PRKN: variants seen among roughly 807,000 people sequenced by gnomAD.
PRKN encodes the protein parkin RBR E3 ubiquitin protein ligase, also known as E3 ubiquitin-protein ligase parkin.
Under a neutral mutation model 59.5 loss-of-function variants are expected in PRKN, and 56 were observed. That is an observed-to-expected ratio of 0.94 (90% CI 0.76 to 1.18). PRKN has a LOEUF of 1.18. PRKN is among the 50% of genes most tolerant of loss of function. The probability of loss-of-function intolerance (pLI) is 0.00; values close to 1 mark genes in which losing one functional copy is unlikely to be tolerated. For missense variants in PRKN, 657 were observed against 596.4 expected, an observed-to-expected ratio of 1.10 and a Z score of -1.06; for synonymous variants, 250 against 222.1, an observed-to-expected ratio of 1.13 and a Z score of -1.12.
chr6:162,059,480 C>T (rs1192785756), intron 4 of PRKN, among the ~76,000 whole-genome samples: 13 of 152,136 alleles, frequency 8.5e-5, no homozygotes, highest in Admixed American at 5.2e-4. Flanking sequence ...ACTTTAATTG[C>T]CTAATCATTG....
intron 2 of PRKN, among the ~76,000 whole-genome samples, chr6:162,290,214 C>T (rs187555060): frequency 1.1e-4 from 16 of 152,234 alleles, no homozygotes; most frequent in Middle Eastern, 3.4e-3. Flanking sequence ...GGATTGTACA[C>T]GCTGAAAAAC....
intron 4 of PRKN, among the ~76,000 whole-genome samples, chr6:162,059,172 C>T (rs1224641467): frequency 1.3e-5 from 2 of 152,054 alleles, no homozygotes; most frequent in Non-Finnish European, 2.9e-5. Context: ...CCGTAATTGC[C>T]ACATCAGGTA....
Position 161,874,435 on chromosome 6 carries a change from ATTATATATAAAATATAT to A in PRKN, c.735-88544_735-88528del, listed in dbSNP as rs1306236907. On this transcript the variant is annotated intron_variant, in intron 6 of 11. Coordinates refer to ENST00000366898, the MANE Select transcript of PRKN (RefSeq NM_004562.3). ...ATAAAATATATATTATATGTAAAAT[ATTATATATAAAATATAT>A]ATTATATGTAAAATATATTATATGT... 1.1e-3 allele frequency among the ~76,000 whole-genome samples: 41 copies of A among 37,990 alleles called. 1 individual carries two copies. The East Asian group carries it at 0.013, about 12-fold the overall frequency. The allele number at this position is 37,990 out of a possible 152,430, so 24.9% of individuals were successfully genotyped here. A position where few individuals can be genotyped will look rare whatever the true frequency, so the allele number is the denominator to read the frequency against.
intron 6 of PRKN, among the ~76,000 whole-genome samples, chr6:161,966,791 T>G (rs924578454): frequency 2.0e-5 from 3 of 152,246 alleles, no homozygotes; most frequent in Non-Finnish European, 4.4e-5. Context: ...GGTTCCCAGA[T>G]AGTTCACTTT....
chr6:162,303,109 T>A (rs1393052448), intron 2 of PRKN, among the ~76,000 whole-genome samples: 1 of 149,490 alleles, frequency 6.7e-6, no homozygotes, highest in Non-Finnish European at 1.5e-5. Context: ...AATTCAGTAC[T>A]ATTTGTTCTG....
intron 6 of PRKN, among the ~76,000 whole-genome samples, chr6:161,957,436 G>GT (rs10682757): frequency 6.0e-5 from 7 of 116,718 alleles, no homozygotes; most frequent in African/African-American, 1.5e-4. Flanking sequence ...TTGTTTGTTT[G>GT]TTTTTTTGAG....
rs182605268 is a variant in PRKN, at chr6:161,661,897, C to T, written c.872-92481G>A. Among the ~76,000 whole-genome samples the T allele has an allele frequency of 3.7e-3, 569 of 152,006 alleles. 17 individuals are homozygous for T. The East Asian group carries it at 0.067, about 18-fold the overall frequency. ...AATTAGCCGGGTGTGGTGGTGGGCA[C>T]CTGGAATCCCAGCTACTCGGGAGGC... On this transcript the variant is annotated intron_variant, in intron 7 of 11. Coordinates refer to ENST00000366898, the MANE Select transcript of PRKN (RefSeq NM_004562.3).
chr6:162,284,729 G>C (rs774832638), intron 2 of PRKN, among the ~76,000 whole-genome samples: 1 of 152,112 alleles, frequency 6.6e-6, no homozygotes, highest in South Asian at 2.1e-4. Flanking sequence ...AATGATATTC[G>C]TATACATCTG....
intron 6 of PRKN, among the ~76,000 whole-genome samples, chr6:161,962,617 A>G (rs1415215289): frequency 2.6e-5 from 4 of 151,064 alleles, no homozygotes; most frequent in Non-Finnish European, 4.4e-5. Flanking sequence ...GCTCACTGCA[A>G]CCTCCACCTC....
chr6:162,710,415 A>ACACACACACACACACACACC (rs35854882), intron 1 of PRKN, among the ~76,000 whole-genome samples: 1 of 144,448 alleles, frequency 6.9e-6, no homozygotes, highest in African/African-American at 2.7e-5. Context: ...ACACACACAC[A>ACACACACACACACACACACC]ACTGTTTGGT....
At chr6:161,408,146 T>C (rs1395959632) in intron 9 of PRKN, among the ~76,000 whole-genome samples, 1 of 152,124 alleles carries the variant, frequency 6.6e-6, no homozygotes, top group Non-Finnish European at 1.5e-5. Flanking sequence ...TTTTTCTTTT[T>C]AGAGAAAAGT....
At chr6:161,656,918 C>G (rs569652072) in intron 7 of PRKN, among the ~76,000 whole-genome samples, 1 of 152,150 alleles carries the variant, frequency 6.6e-6, no homozygotes, top group Non-Finnish European at 1.5e-5. Flanking sequence ...ATAAAACACA[C>G]GAATGTCAAC....
At position 161,581,089 on chromosome 6, in the gene PRKN, G is replaced by GT. The variant is rs1781323304; in HGVS notation, c.872-11674dup. On this transcript the variant is annotated intron_variant, in intron 7 of 11. Transcript: ENST00000366898. The surrounding 1 kb of genome is among the most constrained non-coding windows in gnomAD (Gnocchi z 4.5). ...ACACACACACACAAAATAGCCAGGC[G>GT]TGGTGGCATGCCCTTGTAATCCCAG... is the stretch of plus-strand genomic sequence containing the variant. Among the ~76,000 whole-genome samples, 2 of 141,844 alleles carry GT rather than the reference G, an allele frequency of 1.4e-5. No individual in the cohort carries two copies. Among genetic ancestry groups the GT allele is most frequent in the African/African-American group, 5.8e-5 (2 of 34,564 alleles). 93.1% of individuals were successfully genotyped at this position (141,844 alleles called of 152,430 possible).
intron 6 of PRKN, among the ~76,000 whole-genome samples, chr6:161,861,415 G>C (rs941090366): frequency 6.6e-6 from 1 of 152,074 alleles, no homozygotes; most frequent in African/African-American, 2.4e-5. Context: ...TCACACACCA[G>C]GGCCTGTTGG....
intron 1 of PRKN, among the ~76,000 whole-genome samples, chr6:162,496,778 GAC>G (rs1368012715): frequency 6.6e-6 from 1 of 152,202 alleles, no homozygotes; most frequent in Non-Finnish European, 1.5e-5. Flanking sequence ...GCAGAAAAGA[GAC>G]ACTTTAGACG....
At chr6:161,537,524 T>C (rs1457499621) in intron 9 of PRKN, among the ~76,000 whole-genome samples, 1 of 151,918 alleles carries the variant, frequency 6.6e-6, no homozygotes, top group East Asian at 1.9e-4. Context: ...TGATCTCGGC[T>C]CACTGCAAGC....
chr6:162,478,948 G>C (rs1011187695), intron 1 of PRKN, among the ~76,000 whole-genome samples: 2 of 152,102 alleles, frequency 1.3e-5, no homozygotes, highest in African/African-American at 4.8e-5. Flanking sequence ...CGAGTGAATG[G>C]GAAGACCTAG....
chr6:162,670,321 C>G (rs1044462561), intron 1 of PRKN, among the ~76,000 whole-genome samples: 1 of 152,148 alleles, frequency 6.6e-6, no homozygotes, highest in Non-Finnish European at 1.5e-5. Flanking sequence ...AAAGGCAGTC[C>G]CTGTGCCATC....
In PRKN at chr6:161,614,963, CAGAGAGAGAGAGAGAGAGAGAGAG is replaced by C. The variant is rs71694349; in HGVS notation, c.872-45571_872-45548del. On this transcript the variant is annotated intron_variant, in intron 7 of 11. Transcript: ENST00000366898. ...TTTTTAGTTTTCTGGGAGAGGAAGA[CAGAGAGAGAGAGAGAGAGAGAGAG>C]AGAGAGAGAGAGAACACTGAAACTG... Among the ~76,000 whole-genome samples, 5 of 147,340 alleles carry C rather than the reference CAGAGAGAGAGAGAGAGAGAGAGAG, an allele frequency of 3.4e-5. No homozygotes were observed. In the East Asian group the frequency reaches 1.0e-3, roughly 30 times the overall value.
Sources: gnomAD v4.1 joint callset for allele counts (sites outside exome capture counted in the v4.1 genomes callset) on GRCh38, gnomAD v4.1.1 for gene constraint, Gnocchi (gnomAD v3.1) non-coding constraint, MANE v1.5 for transcripts, NCBI Gene and HGNC (gene_info 2026-07-23, HGNC 2026-07-21) for gene names.